The following MCTP2 variants were observed in gnomAD, a reference collection of about 807,000 sequenced individuals.
The protein encoded by MCTP2 is multiple C2 and transmembrane domain-containing protein 2.
A neutral mutation model predicts 111.6 loss-of-function variants in MCTP2; 132 were observed. That is an observed-to-expected ratio of 1.18 (90% CI 1.03 to 1.37). The LOEUF (loss-of-function observed/expected upper bound fraction) is 1.37, where lower values mean the gene tolerates loss of function less well. Ranked by LOEUF, MCTP2 falls within the 40% of genes most tolerant of loss-of-function variation. The pLI is 0.00. For synonymous variants in MCTP2, 395 were observed against 387.7 expected (o/e 1.02, Z -0.22); for missense variants, 1,183 against 1,067.9 (o/e 1.11, Z -1.50).
intron 1 of MCTP2, among the ~76,000 whole-genome samples, chr15:94,270,613 G>C (rs986821026): frequency 6.6e-6 from 1 of 151,958 alleles, no homozygotes; most frequent in African/African-American, 2.4e-5. Context: ...CATCTCCCCA[G>C]GTGGGCTGCC....
At chr15:94,292,699 A>G (rs1031050516) in intron 1 of MCTP2, among the ~76,000 whole-genome samples, 6 of 152,246 alleles carry the variant, frequency 3.9e-5, no homozygotes, top group Admixed American at 2.6e-4. Context: ...AAACTGCTCT[A>G]TTTATTGAAA....
intron 1 of MCTP2, among the ~76,000 whole-genome samples, chr15:94,257,328 T>G (rs1255281122): frequency 6.6e-6 from 1 of 152,008 alleles, no homozygotes; most frequent in Non-Finnish European, 1.5e-5. Flanking sequence ...ACCACTGAGT[T>G]GATGAATTTG....
rs2074634670 is a variant in MCTP2, at chr15:94,479,819, A to G, written c.*785A>G. The G allele has an allele frequency of 6.6e-6, 1 of 152,180 alleles. No homozygotes were observed. Among genetic ancestry groups the G allele is most frequent in the South Asian group, 2.1e-4 (1 of 4,828 alleles). 9.4% of individuals were successfully genotyped at this position (152,180 alleles called of 1,614,324 possible). A position where few individuals can be genotyped will look rare whatever the true frequency, so the allele number is the denominator to read the frequency against. On this transcript the variant is annotated 3_prime_UTR_variant, in exon 23 of 23. Transcript: ENST00000357742. ...TCAAAATATTATAAAATGTCAACAT[A>G]TAATTTCAGAAAGGCAGGTGGGGGT... is the stretch of plus-strand genomic sequence containing the variant.
At chr15:94,357,383 T>C (rs1282310829) in intron 9 of MCTP2, among the ~76,000 whole-genome samples, 1 of 152,192 alleles carries the variant, frequency 6.6e-6, no homozygotes, top group Non-Finnish European at 1.5e-5. Flanking sequence ...CTACTAAGAT[T>C]CCTTTAGCTT....
chr15:94,466,003 G>A (rs2073247097), intron 20 of MCTP2, among the ~76,000 whole-genome samples: 1 of 151,898 alleles, frequency 6.6e-6, no homozygotes. Context: ...GGAAAATCTT[G>A]GACTGTATTA....
intron 17 of MCTP2, among the ~76,000 whole-genome samples, chr15:94,436,879 G>A (rs1008168727): frequency 1.3e-5 from 2 of 151,374 alleles, no homozygotes; most frequent in Admixed American, 6.6e-5. Context: ...CCCAAAAAAC[G>A]TAACAATAGG....
At chr15:94,359,723 G>T (rs995306873) in intron 10 of MCTP2, among the ~76,000 whole-genome samples, 1 of 152,174 alleles carries the variant, frequency 6.6e-6, no homozygotes, top group African/African-American at 2.4e-5. Flanking sequence ...GCCCAAGGAA[G>T]TGAAATTTTT....
intron 2 of MCTP2, among the ~76,000 whole-genome samples, chr15:94,304,260 G>A (rs2075780483): frequency 6.6e-6 from 1 of 152,116 alleles, no homozygotes; most frequent in African/African-American, 2.4e-5. Context: ...TTGCCAACGT[G>A]GTAAAATCCT....
chr15:94,283,755 G>T (rs1462141405), intron 1 of MCTP2, among the ~76,000 whole-genome samples: 1 of 152,154 alleles, frequency 6.6e-6, no homozygotes, highest in African/African-American at 2.4e-5. Flanking sequence ...CTTAGTGGCA[G>T]AAGCTATTCC....
chr15:94,361,084 GTTTTTTTTTTTTTTT>G (rs67774490), intron 10 of MCTP2, among the ~76,000 whole-genome samples: 104 of 8,440 alleles, frequency 0.012, 4 homozygotes, highest in East Asian at 0.021. Context: ...AATATTTCAA[GTTTTTTTTTTTTTTT>G]TTTTTTTTTT....
At chr15:94,464,261 A>ATATATAT (rs2085434311) in intron 20 of MCTP2, among the ~76,000 whole-genome samples, 1 of 43,312 alleles carries the variant, frequency 2.3e-5, no homozygotes, top group Non-Finnish European at 5.2e-5. Context: ...TATATATTAT[A>ATATATAT]TATATATATA....
chr15:94,233,086 G>A (rs1346512829), intron 1 of MCTP2, among the ~76,000 whole-genome samples: 4 of 152,114 alleles, frequency 2.6e-5, no homozygotes. Context: ...CTAAGATGGA[G>A]AGTGTAAATC....
At chr15:94,319,401 A>G (rs978111899) in intron 4 of MCTP2, among the ~76,000 whole-genome samples, 3 of 152,214 alleles carry the variant, frequency 2.0e-5, no homozygotes, top group African/African-American at 4.8e-5. Context: ...CTTTGGACCA[A>G]TAGTTCTCAA....
chr15:94,459,657 A>G (rs1452921806), intron 20 of MCTP2, among the ~76,000 whole-genome samples: 1 of 152,246 alleles, frequency 6.6e-6, no homozygotes, highest in Non-Finnish European at 1.5e-5. Context: ...AATGTTTAAT[A>G]TAAACATATT....
chr15:94,439,880 G>A (rs888846713), intron 17 of MCTP2, among the ~76,000 whole-genome samples: 5 of 152,110 alleles, frequency 3.3e-5, no homozygotes, highest in Non-Finnish European at 7.3e-5. Flanking sequence ...GCGTCTTTGT[G>A]ACCTTGGACT....
intron 8 of MCTP2, among the ~76,000 whole-genome samples, chr15:94,350,220 T>C (rs1247227055): frequency 6.6e-6 from 1 of 152,204 alleles, no homozygotes; most frequent in Non-Finnish European, 1.5e-5. Context: ...TGGCTCTGGC[T>C]CCTAACCATA....
At chr15:94,264,539 G>A (rs1359512268) in intron 1 of MCTP2, among the ~76,000 whole-genome samples, 3 of 152,044 alleles carry the variant, frequency 2.0e-5, no homozygotes, top group Admixed American at 1.3e-4. Context: ...AACCCGGAAG[G>A]CAGAGCTTGC....
chr15:94,302,934 C>A (rs2075692581), intron 2 of MCTP2, among the ~76,000 whole-genome samples: 1 of 151,532 alleles, frequency 6.6e-6, no homozygotes, highest in Non-Finnish European at 1.5e-5. Context: ...CTGGGGAGGC[C>A]TCACAATCAT....
At chr15:94,362,264 T>C (rs1039218077) in intron 10 of MCTP2, among the ~76,000 whole-genome samples, 8 of 152,208 alleles carry the variant, frequency 5.3e-5, no homozygotes, top group African/African-American at 1.9e-4. Context: ...AGTATGAATA[T>C]AGAGTAATAT....
Sources: allele counts gnomAD v4.1 joint callset (sites outside exome capture counted in the v4.1 genomes callset), GRCh38; gene constraint gnomAD v4.1.1; transcripts MANE v1.5; gene names NCBI Gene and HGNC (gene_info 2026-07-23, HGNC 2026-07-21).